PRR16: variants seen among roughly 807,000 people sequenced by gnomAD.
PRR16 encodes the protein proline rich 16.
A neutral mutation model predicts 18.2 loss-of-function variants in PRR16; 6 were observed. The ratio of observed to expected loss-of-function variants is 0.33; its 90% confidence interval spans 0.18 to 0.65. The LOEUF (loss-of-function observed/expected upper bound fraction) is 0.65. PRR16 is among the 30% of genes least tolerant of loss of function. The pLI is 0.74. For missense variants in PRR16, 412 were observed against 376.6 expected, an observed-to-expected ratio of 1.09 and a Z score of -0.78; for synonymous variants, 151 against 147.8, an observed-to-expected ratio of 1.02 and a Z score of -0.16.
intron 1 of PRR16, among the ~76,000 whole-genome samples, chr5:120,678,067 G>A (rs1756861815): frequency 6.6e-6 from 1 of 151,830 alleles, no homozygotes; most frequent in African/African-American, 2.4e-5. Flanking sequence ...CGGCCACCAC[G>A]CCTGGCTAAT....
the PRR16 span, among the ~76,000 whole-genome samples, chr5:120,791,101 A>G: frequency 6.6e-6 from 1 of 152,152 alleles, no homozygotes; most frequent in Non-Finnish European, 1.5e-5. Context: ...TATTTGGCAT[A>G]TAACAGTTTT....
chr5:120,767,335 A>T, the PRR16 span, among the ~76,000 whole-genome samples: 308 of 152,038 alleles, frequency 2.0e-3, 1 homozygote, highest in African/African-American at 7.1e-3. Flanking sequence ...ATGTTTTGTC[A>T]TGCCCAAATC....
the PRR16 span, among the ~76,000 whole-genome samples, chr5:120,717,222 T>G: frequency 6.6e-6 from 1 of 152,222 alleles, no homozygotes; most frequent in African/African-American, 2.4e-5. Context: ...AAGGTTTAAC[T>G]ATTTACTAGC....
At chr5:120,704,596 A>G in the PRR16 span, among the ~76,000 whole-genome samples, 1 of 152,274 alleles carries the variant, frequency 6.6e-6, no homozygotes, top group African/African-American at 2.4e-5. Flanking sequence ...TCCGTTATAT[A>G]CCAATATGAA....
chr5:120,718,843 T>C, the PRR16 span, among the ~76,000 whole-genome samples: 1 of 152,050 alleles, frequency 6.6e-6, no homozygotes, highest in Non-Finnish European at 1.5e-5. Context: ...TACAGTGTAG[T>C]GTGGGGAACT....
At position 120,540,428 on chromosome 5, in the gene PRR16, T is replaced by C. The variant is rs189614095; in HGVS notation, c.159+75783T>C. On this transcript the variant is annotated intron_variant, in intron 1 of 1. Transcript: ENST00000407149. ...CATCCAGATTTCTTTCTCAAGTCCTTATAAGGCCCTATGTGCCCTGGCCGG... is the reference window on the plus strand; with the variant it reads ...CATCCAGATTTCTTTCTCAAGTCCTCATAAGGCCCTATGTGCCCTGGCCGG... Among the ~76,000 whole-genome samples, 4 of 152,344 alleles carry C rather than the reference T, an allele frequency of 2.6e-5. No homozygotes were observed. In the East Asian group the frequency reaches 7.7e-4, roughly 29 times the overall value.
chr5:120,582,994 A>AT (rs1453552000), intron 1 of PRR16, among the ~76,000 whole-genome samples: 1 of 152,202 alleles, frequency 6.6e-6, no homozygotes, highest in Non-Finnish European at 1.5e-5. Context: ...CTATACTGTC[A>AT]TTCTCTCACA....
chr5:120,729,585 A>T, the PRR16 span, among the ~76,000 whole-genome samples: 1 of 152,096 alleles, frequency 6.6e-6, no homozygotes, highest in East Asian at 1.9e-4. Context: ...CTTCCACTGG[A>T]TTATAAGCTC....
intron 1 of PRR16, among the ~76,000 whole-genome samples, chr5:120,630,544 G>A (rs1561582922): frequency 6.8e-6 from 1 of 147,658 alleles, no homozygotes; most frequent in Non-Finnish European, 1.5e-5. Flanking sequence ...CCAAACCTAG[G>A]TAAAGTTTTT....
intron 1 of PRR16, among the ~76,000 whole-genome samples, chr5:120,664,712 G>T (rs1268201592): frequency 6.6e-6 from 1 of 151,492 alleles, no homozygotes; most frequent in East Asian, 1.9e-4. Context: ...GCAGTGTTTG[G>T]TTTTTTGTCC....
intron 1 of PRR16, among the ~76,000 whole-genome samples, chr5:120,574,431 C>T (rs1462800356): frequency 6.6e-6 from 1 of 151,998 alleles, no homozygotes; most frequent in African/African-American, 2.4e-5. Context: ...TAGCAAAACC[C>T]TGTCTCTGCT....
At chr5:120,498,057 ATTTT>A (rs1750318761) in intron 1 of PRR16, among the ~76,000 whole-genome samples, 1 of 151,126 alleles carries the variant, frequency 6.6e-6, no homozygotes, top group African/African-American at 2.4e-5. Context: ...TATGTATGCC[ATTTT>A]AATTTTTGTT....
chr5:120,675,893 G>A lies in PRR16; in HGVS notation c.160-10061G>A, dbSNP rs114789053. On this transcript the variant is annotated intron_variant, in intron 1 of 1. Coordinates refer to ENST00000407149, the MANE Select transcript of PRR16 (RefSeq NM_001300783.2). ...TTAGGCTCAACTATGAATAATGATT[G>A]TTGTCTATTTTAAAATCTAGTTTAT... Among the ~76,000 whole-genome samples the A allele has an allele frequency of 8.9e-3, 1,353 of 152,136 alleles. 22 individuals are homozygous for A. Among genetic ancestry groups the A allele is most frequent in the African/African-American group, 0.031 (1,298 of 41,522 alleles).
At chr5:120,728,693 A>G in the PRR16 span, among the ~76,000 whole-genome samples, 1 of 152,174 alleles carries the variant, frequency 6.6e-6, no homozygotes, top group Admixed American at 6.6e-5. Flanking sequence ...GTCAAGCTGG[A>G]TGGCGTGCTT....
At chr5:120,702,099 G>A in the PRR16 span, among the ~76,000 whole-genome samples, 10 of 151,952 alleles carry the variant, frequency 6.6e-5, no homozygotes, top group South Asian at 4.1e-4. Flanking sequence ...CTAGAGAAAA[G>A]AGAGAGCAGA....
intron 1 of PRR16, among the ~76,000 whole-genome samples, chr5:120,527,470 T>C (rs1003373529): frequency 6.6e-6 from 1 of 152,138 alleles, no homozygotes; most frequent in Non-Finnish European, 1.5e-5. Flanking sequence ...CTTAAAAGGA[T>C]TAAGAAAGCA....
At chr5:120,676,497 A>C (rs1756801090) in intron 1 of PRR16, among the ~76,000 whole-genome samples, 1 of 140,396 alleles carries the variant, frequency 7.1e-6, no homozygotes, top group African/African-American at 2.7e-5. Context: ...ACTCTGGATT[A>C]TGTTTATTTT....
At chr5:120,673,417 T>TCTTATTTATGTG (rs1756682857) in intron 1 of PRR16, among the ~76,000 whole-genome samples, 3 of 152,232 alleles carry the variant, frequency 2.0e-5, no homozygotes, top group Admixed American at 2.0e-4. Flanking sequence ...ATTTTATGGG[T>TCTTATTTATGTG]CTTTAAAAAG....
At chr5:120,701,404 G>A in the PRR16 span, among the ~76,000 whole-genome samples, 1 of 152,106 alleles carries the variant, frequency 6.6e-6, no homozygotes, top group East Asian at 1.9e-4. Flanking sequence ...TTTTATATTT[G>A]ATAAAAAAGA....
Sources: gnomAD v4.1 joint callset for allele counts (sites outside exome capture counted in the v4.1 genomes callset) on GRCh38, gnomAD v4.1.1 for gene constraint, MANE v1.5 for transcripts, NCBI Gene and HGNC (gene_info 2026-07-23, HGNC 2026-07-21) for gene names.